Variants in PKP3 observed in about 807,000 individuals in gnomAD.
PKP3 encodes the protein plakophilin-3.
PKP3 carries 66 observed loss-of-function variants against 76.5 expected under a neutral mutation model. The ratio of observed to expected loss-of-function variants is 0.86; its 90% CI spans 0.71 to 1.06. PKP3 has a LOEUF of 1.06. Ranked by LOEUF, PKP3 falls within the 50% of genes least tolerant of loss-of-function variation. PKP3 has a pLI of 0.00. For synonymous variants in PKP3, 638 were observed against 516.5 expected, an observed-to-expected ratio of 1.24 and a Z score of -3.19; for missense variants, 1,338 against 1,141.0, an observed-to-expected ratio of 1.17 and a Z score of -2.49.
chr11:397,166 G>C lies in PKP3; in HGVS notation c.665G>C (p.Ser222Thr). 6.3e-7 allele frequency: 1 copy of C among 1,597,994 alleles called. No homozygotes were observed. The highest frequency in any genetic ancestry group is 1.1e-5 in the South Asian group (1 of 91,002). ...GCGTACGAGCGCCAGGCCAGCTCCA[G>C]CTCCAGCCGGGCAGGGGGGCTGGAC... ...AFAYERQASS[S>T]SSRAGGLDWP... The change falls in exon 3 of 13, where the codon AGC becomes ACC. Residue 222 changes from serine (S) to threonine (T), a missense_variant. Transcript: ENST00000331563.
At chr11:400,483 C>A in intron 7 of PKP3, 32 bp downstream of exon 7, 1 of 1,512,382 alleles carries the variant, frequency 6.6e-7, no homozygotes, top group Non-Finnish European at 8.9e-7. Flanking sequence ...AGGGGCCGTG[C>A]CCCCGGGCCG....
Position 394,372 on chromosome 11 carries a change from A to G in PKP3, c.80A>G (p.Gln27Arg). The G allele has an allele frequency of 1.3e-6, 2 of 1,500,630 alleles. No homozygotes were observed. Among genetic ancestry groups the G allele is most frequent in the Non-Finnish European group, 1.8e-6 (2 of 1,132,564 alleles). The allele number at this position is 1,500,630 out of a possible 1,614,324, so 93.0% of individuals were successfully genotyped here. A position where few individuals can be genotyped will look rare whatever the true frequency, so the allele number is the denominator to read the frequency against. The part of the protein sequence containing the change: ...VCSLALPSDL[Q>R]LDRRGAEGPE... ...TCCCTGGCGCTGCCCTCTGACCTGC[A>G]GCTGGACCGCCGGGGCGCCGAGGGG... The change falls in exon 1 of 13, where the codon CAG becomes CGG. Residue 27 changes from glutamine to arginine, a missense_variant. Transcript: ENST00000331563.
At chr11:403,482 C>G (rs1847193262) in intron 9 of PKP3, 136 bp from the exon 10 acceptor site, 10 of 914,964 alleles carry the variant, frequency 1.1e-5, no homozygotes, top group South Asian at 8.3e-5. Context: ...CTGATTCCCC[C>G]CGGCTGGGGG....
At chr11:399,689 C>T (rs553526316) in intron 5 of PKP3, among the ~76,000 whole-genome samples, 3 of 149,988 alleles carry the variant, frequency 2.0e-5, no homozygotes, top group African/African-American at 7.4e-5. Flanking sequence ...CGCCTCTTTC[C>T]TGGACCCCCG....
rs560961906 is a variant in PKP3, at chr11:397,205, C to G, written c.704C>G (p.Thr235Ser). 555 of 1,598,854 alleles carry G rather than the reference C, an allele frequency of 3.5e-4. 14 individuals carry two copies. The South Asian group carries it at 5.9e-3, about 17-fold the overall frequency. Residue 235 changes from threonine to serine, a missense_variant, in exon 3 of 13, where the codon ACT becomes AGT. By Grantham distance (58) the Thr-to-Ser change is moderately conservative (BLOSUM62 1). Coordinates refer to ENST00000331563, the MANE Select transcript of PKP3 (RefSeq NM_007183.4). Reference sequence around the variant, plus strand: ...GGGGGGCTGGACTGGCCCGAGGCCACTGAGGTTTCCCCGAGCCGGACCATC... The same window carrying G: ...GGGGGGCTGGACTGGCCCGAGGCCAGTGAGGTTTCCCCGAGCCGGACCATC... ...RAGGLDWPEA[T>S]EVSPSRTIRA...
Position 397,580 on chromosome 11 carries a change from T to C in PKP3, c.986T>C (p.Met329Thr), listed in dbSNP as rs1028171559. 1.2e-6 allele frequency: 2 copies of C among 1,612,180 alleles called. No homozygotes were observed. The highest frequency in any genetic ancestry group is 1.7e-6 in the Non-Finnish European group (2 of 1,179,556). ...CTGCCCTCAGCAGTCAAGTACCTCA[T>C]GGCTTCAGACCCCAACCTGCAGGTG... ...IDLPSAVKYL[M>T]ASDPNLQVLG... The change falls in exon 4 of 13, where the codon ATG becomes ACG. Residue 329 changes from methionine to threonine, a missense_variant. By Grantham distance (81) the Met-to-Thr change is moderately conservative. Coordinates refer to ENST00000331563, the MANE Select transcript of PKP3 (RefSeq NM_007183.4).
intron 4 of PKP3, 103 bp from the exon 5 acceptor site, chr11:398,889 C>A: frequency 1.1e-6 from 1 of 914,744 alleles, no homozygotes; most frequent in South Asian, 1.6e-5. Context: ...CGGCTGCATC[C>A]CCTGCATATC....
At chr11:403,292 G>T in intron 9 of PKP3, 29 bp downstream of exon 9, 2 of 1,518,498 alleles carry the variant, frequency 1.3e-6, no homozygotes, top group Admixed American at 2.1e-5. Flanking sequence ...ACCCGAGGGG[G>T]TCCCAGGGGT....
Position 403,470 on chromosome 11 carries a change from G to A in PKP3, c.1924-148G>A, listed in dbSNP as rs546799623. ...AAGGGAGGCACCTGATCCGGGCTGCGGCTGATTCCCCCCGGCTGGGGGGCA... is the reference window on the plus strand; with the variant it reads ...AAGGGAGGCACCTGATCCGGGCTGCAGCTGATTCCCCCCGGCTGGGGGGCA... On this transcript the variant is annotated intron_variant, in intron 9 of 12. Coordinates refer to ENST00000331563, the MANE Select transcript of PKP3 (RefSeq NM_007183.4). 49 of 850,272 alleles carry A rather than the reference G, an allele frequency of 5.8e-5. No individual in the cohort carries two copies. The East Asian group carries it at 8.1e-4, about 14-fold the overall frequency. 52.7% of individuals were successfully genotyped at this position (850,272 alleles called of 1,614,324 possible).
chr11:403,713 C>G lies in PKP3; in HGVS notation c.2019C>G (p.Arg673=). The G allele has an allele frequency of 6.2e-7, 1 of 1,610,260 alleles. No homozygotes were observed. Among genetic ancestry groups the G allele is most frequent in the Non-Finnish European group, 8.5e-7 (1 of 1,179,812 alleles). ...RVRTADHHQL[R]SLTGLIRNLS... is the part of the protein sequence containing the mutation. ...GGACCGCCGACCACCACCAGCTGCG[C>G]TCACTGACTGGCCTCATCCGAAACC... Residue 673 remains arginine (R), a synonymous_variant, in exon 10 of 13, where the codon CGC becomes CGG. Transcript: ENST00000331563.
rs771716564 is a variant in PKP3, at chr11:397,284, C to T, written c.783C>T (p.Arg261=). The T allele has an allele frequency of 5.6e-6, 9 of 1,593,104 alleles. No individual in the cohort carries two copies. The highest frequency in any genetic ancestry group is 2.3e-5 in the East Asian group (1 of 44,118). ...LQRFQSSHRS[R]GVGGAVPGAV... ...GATTCCAGAGCAGCCACCGGAGCCG[C>T]GGGGTAGGCGGGGCAGTGCCGGGGG... Residue 261 remains arginine, a synonymous_variant, in exon 3 of 13, where the codon CGC becomes CGT. Transcript: ENST00000331563.
At chr11:400,268 C>T (rs1847129225) in intron 6 of PKP3, 66 bp from the exon 7 acceptor site, 5 of 1,442,342 alleles carry the variant, frequency 3.5e-6, no homozygotes, top group African/African-American at 2.8e-5. Context: ...CGAGGGCCCA[C>T]GATGGGTTGG....
At position 400,604 on chromosome 11, in the gene PKP3, G is replaced by A. The variant is rs755064202; in HGVS notation, c.1636G>A (p.Ala546Thr). The A allele has an allele frequency of 2.1e-6, 3 of 1,453,100 alleles. No individual in the cohort carries two copies. Among genetic ancestry groups the A allele is most frequent in the Non-Finnish European group, 2.7e-6 (3 of 1,111,748 alleles). The allele number at this position is 1,453,100 out of a possible 1,614,324, so 90.0% of individuals were successfully genotyped here. ...YRLYDEMPPSALQRLEGRGRR... is the reference protein window; with the variant it reads ...YRLYDEMPPSTLQRLEGRGRR... ...CCTCTACGACGAGATGCCGCCGTCC[G>A]CGCTGCAGCGGCTGGAGGGTCGCGG... Residue 546 changes from alanine to threonine, a missense_variant, in exon 8 of 13, where the codon GCG becomes ACG. Physicochemically the swap from Ala to Thr is moderately conservative, Grantham distance 58. Transcript: ENST00000331563.
intron 2 of PKP3, 38 bp downstream of exon 2, chr11:396,725 C>T: frequency 1.3e-6 from 2 of 1,589,664 alleles, no homozygotes; most frequent in Non-Finnish European, 1.7e-6. Flanking sequence ...ACGATCTGAG[C>T]TCTGCAGTCT....
chr11:397,778 A>G (rs562426586), intron 4 of PKP3, 116 bp downstream of exon 4: 1 of 1,041,282 alleles, frequency 9.6e-7, no homozygotes, highest in South Asian at 1.6e-5. Context: ...CTGACTGGGT[A>G]GACCCCACTC....
rs563535823 is a variant in PKP3 at position 403,150 on chromosome 11, A to G, written c.1810A>G (p.Ser604Gly). Residue 604 changes from serine (S) to glycine (G), a missense_variant, in exon 9 of 13, where the codon AGC becomes GGC. Transcript: ENST00000331563. ...KDPKGLEWLW[S>G]PQIVGLYNRL... is the part of the protein sequence containing the mutation. ...CCCCAAGGGCCTCGAGTGGCTGTGG[A>G]GCCCCCAGATCGTGGGGCTGTACAA... The G allele has an allele frequency of 6.3e-7, 1 of 1,579,742 alleles. No homozygotes were observed. The highest frequency in any genetic ancestry group is 8.6e-7 in the Non-Finnish European group (1 of 1,164,966).
In PKP3 at chr11:397,156, GCCAGCT is replaced by G. The variant is rs771459240; in HGVS notation, c.667_672del (p.Ser223_Ser224del). ...CAGGGCCTTTGCGTACGAGCGCCAG[GCCAGCT>G]CCAGCTCCAGCCGGGCAGGGGGGCT... On this transcript the variant is annotated inframe_deletion, in exon 3 of 13. Transcript: ENST00000331563. The G allele has an allele frequency of 4.4e-6, 7 of 1,597,966 alleles. No homozygotes were observed. The Admixed American group carries it at 8.3e-5, about 19-fold the overall frequency.
chr11:400,381 G>T lies in PKP3; in HGVS notation c.1496G>T (p.Cys499Phe). Residue 499 changes from cysteine to phenylalanine, a missense_variant, in exon 7 of 13, where the codon TGC (cysteine) becomes TTC (phenylalanine). Coordinates refer to ENST00000331563, the MANE Select transcript of PKP3 (RefSeq NM_007183.4). ...GCCACTCGCCAGAAGATGCGGGAGTGCCACGGGCTGGTGGACGCCCTGGTC... is the reference window on the plus strand; with the variant it reads ...GCCACTCGCCAGAAGATGCGGGAGTTCCACGGGCTGGTGGACGCCCTGGTC... ...SQATRQKMRE[C>F]HGLVDALVTS... is the part of the protein sequence containing the mutation. 1 of 1,549,286 alleles carries T rather than the reference G, an allele frequency of 6.5e-7. No homozygotes were observed. The highest frequency in any genetic ancestry group is 8.7e-7 in the Non-Finnish European group (1 of 1,146,348).
chr11:397,713 G>T (rs776362668), intron 4 of PKP3, 51 bp downstream of exon 4: 1 of 1,576,836 alleles, frequency 6.3e-7, no homozygotes, highest in Admixed American at 1.7e-5. Flanking sequence ...TCCTTCGTGG[G>T]CCCCACCACC....
Sources: allele counts gnomAD v4.1 joint callset (sites outside exome capture counted in the v4.1 genomes callset), GRCh38; gene constraint gnomAD v4.1.1; transcripts MANE v1.5; gene names NCBI Gene and HGNC (gene_info 2026-07-23, HGNC 2026-07-21).